The following SH3GL2 variants were observed in gnomAD, a reference collection of about 807,000 sequenced individuals.
SH3GL2 encodes the protein endophilin-A1.
SH3GL2 carries 24 observed loss-of-function variants against 46.0 expected under a neutral mutation model. That is an observed-to-expected ratio of 0.52 (90% CI 0.38 to 0.73). The LOEUF is 0.73. Ranked by LOEUF, SH3GL2 falls within the 30% of genes least tolerant of loss-of-function variation. SH3GL2 has a pLI of 0.00. For synonymous variants in SH3GL2, 196 were observed against 147.1 expected, an observed-to-expected ratio of 1.33 and a Z score of -2.40; for missense variants, 413 against 424.2, an observed-to-expected ratio of 0.97 and a Z score of 0.23.
chr9:17,787,590 T>A, intron 5 of SH3GL2, 77 bp downstream of exon 5: 1 of 1,191,696 alleles, frequency 8.4e-7, no homozygotes, highest in African/African-American at 1.5e-5. Context: ...TTAGAAAACA[T>A]TTTTTTAGCT....
At chr9:17,712,153 T>C (rs563306200) in intron 1 of SH3GL2, among the ~76,000 whole-genome samples, 1 of 151,968 alleles carries the variant, frequency 6.6e-6, no homozygotes, top group South Asian at 2.1e-4. Context: ...CATTTCTCTA[T>C]TGGGTGATTT....
intron 1 of SH3GL2, among the ~76,000 whole-genome samples, chr9:17,592,928 G>C: frequency 6.6e-6 from 1 of 152,110 alleles, no homozygotes; most frequent in East Asian, 1.9e-4. Flanking sequence ...AGGTTAAGTG[G>C]ATCACCAAAG....
At chr9:17,642,047 A>G (rs1819698893) in intron 1 of SH3GL2, among the ~76,000 whole-genome samples, 1 of 151,904 alleles carries the variant, frequency 6.6e-6, no homozygotes, top group Non-Finnish European at 1.5e-5. Context: ...ACTAATTTAC[A>G]CTCCCACCAA....
chr9:17,618,410 A>G (rs1049378214), intron 1 of SH3GL2, among the ~76,000 whole-genome samples: 1 of 152,214 alleles, frequency 6.6e-6, no homozygotes, highest in African/African-American at 2.4e-5. Flanking sequence ...TAAGTGAGCC[A>G]TGTGCCATTC....
At chr9:17,759,161 C>T (rs762576794) in intron 2 of SH3GL2, among the ~76,000 whole-genome samples, 5 of 152,276 alleles carry the variant, frequency 3.3e-5, no homozygotes, top group South Asian at 2.1e-4. Context: ...GGGATAGACA[C>T]TGCAGGTACC....
intron 2 of SH3GL2, among the ~76,000 whole-genome samples, chr9:17,757,527 C>T (rs11789626): frequency 8.5e-5 from 13 of 152,140 alleles, no homozygotes; most frequent in Non-Finnish European, 1.5e-5. Context: ...TTTAAACAGC[C>T]TTCCCTAATG....
intron 1 of SH3GL2, among the ~76,000 whole-genome samples, chr9:17,587,145 T>C (rs1818393235): frequency 6.6e-6 from 1 of 152,102 alleles, no homozygotes; most frequent in African/African-American, 2.4e-5. Flanking sequence ...GAGGCTACAG[T>C]GAGCCAAGAT....
In SH3GL2 at chr9:17,796,041, C is replaced by T. The variant is rs1289840032; in HGVS notation, c.*298C>T. ...AGGCTGTGGTTTCTTAGAATATGAC[C>T]ATGAGCCATTTCACAGAAAAACCAT... is the stretch of plus-strand genomic sequence containing the variant. On this transcript the variant is annotated 3_prime_UTR_variant, in exon 9 of 9. Transcript: ENST00000380607. 1.8e-5 allele frequency: 6 copies of T among 332,648 alleles called. No individual in the cohort carries two copies. In the East Asian group the frequency reaches 2.9e-4, roughly 16 times the overall value. 20.6% of individuals were successfully genotyped at this position (332,648 alleles called of 1,614,324 possible). A position where few individuals can be genotyped will look rare whatever the true frequency, so the allele number is the denominator to read the frequency against.
chr9:17,753,037 C>G (rs1822891993), intron 2 of SH3GL2, among the ~76,000 whole-genome samples: 1 of 152,114 alleles, frequency 6.6e-6, no homozygotes, highest in Non-Finnish European at 1.5e-5. Context: ...AAAGAACCTG[C>G]TCTCTCTCTT....
chr9:17,595,030 A>C (rs1168014046), intron 1 of SH3GL2, among the ~76,000 whole-genome samples: 2 of 152,202 alleles, frequency 1.3e-5, no homozygotes, highest in African/African-American at 4.8e-5. Flanking sequence ...ACAAATGGCT[A>C]GCCTAGGTAC....
At chr9:17,607,086 TA>T (rs1818773752) in intron 1 of SH3GL2, among the ~76,000 whole-genome samples, 2 of 152,176 alleles carry the variant, frequency 1.3e-5, no homozygotes, top group African/African-American at 4.8e-5. Flanking sequence ...GATAGTTCCT[TA>T]AAATTATGAC....
At chr9:17,666,362 C>T (rs2117924975) in intron 1 of SH3GL2, among the ~76,000 whole-genome samples, 1 of 152,156 alleles carries the variant, frequency 6.6e-6, no homozygotes, top group East Asian at 1.9e-4. Context: ...AAGATGTCCC[C>T]AGAAACATTA....
intron 1 of SH3GL2, among the ~76,000 whole-genome samples, chr9:17,685,729 C>G (rs975929118): frequency 2.6e-5 from 4 of 151,846 alleles, no homozygotes; most frequent in East Asian, 3.9e-4. Context: ...GCTTGTTTTT[C>G]TCAGGTTTGT....
chr9:17,675,142 G>A (rs1035888640), intron 1 of SH3GL2, among the ~76,000 whole-genome samples: 1 of 152,144 alleles, frequency 6.6e-6, no homozygotes, highest in Non-Finnish European at 1.5e-5. Flanking sequence ...CATCTCACAT[G>A]CTTTAAACTT....
intron 4 of SH3GL2, among the ~76,000 whole-genome samples, chr9:17,787,050 G>T (rs987944652): frequency 6.6e-6 from 1 of 152,082 alleles, no homozygotes; most frequent in South Asian, 2.1e-4. Context: ...GGTTGAACCC[G>T]GCTATTTCTG....
At chr9:17,754,893 T>C (rs1026458529) in intron 2 of SH3GL2, among the ~76,000 whole-genome samples, 1 of 152,150 alleles carries the variant, frequency 6.6e-6, no homozygotes, top group Admixed American at 6.5e-5. Context: ...TGGCTGAGAC[T>C]GTGGGGTTTT....
In SH3GL2 at chr9:17,579,177, C is replaced by T. The variant is rs1049561168; in HGVS notation, c.-66C>T. 7.3e-6 allele frequency: 9 copies of T among 1,233,298 alleles called. No individual in the cohort carries two copies. Among genetic ancestry groups the T allele is most frequent in the East Asian group, 3.2e-5 (1 of 31,644 alleles). 76.4% of individuals were successfully genotyped at this position (1,233,298 alleles called of 1,614,324 possible). On this transcript the variant is annotated 5_prime_UTR_variant, in exon 1 of 9. Transcript: ENST00000380607. ...GGCCAGGGGAGCGCGCCGCCCCGCT[C>T]GGCCCTCCAGTCCCCCTCCGCCTCC...
intron 1 of SH3GL2, among the ~76,000 whole-genome samples, chr9:17,657,523 G>A (rs970793690): frequency 1.3e-5 from 2 of 152,128 alleles, no homozygotes; most frequent in Non-Finnish European, 2.9e-5. Flanking sequence ...AGTCATTTAC[G>A]TTTCTAAGTC....
chr9:17,668,782 G>A (rs1820403447), intron 1 of SH3GL2, among the ~76,000 whole-genome samples: 1 of 152,068 alleles, frequency 6.6e-6, no homozygotes, highest in Non-Finnish European at 1.5e-5. Flanking sequence ...TCAGCCTCCT[G>A]AGTAGCCAGG....
Sources: gnomAD v4.1 joint callset for allele counts (sites outside exome capture counted in the v4.1 genomes callset) on GRCh38, gnomAD v4.1.1 for gene constraint, MANE v1.5 for transcripts, NCBI Gene and HGNC (gene_info 2026-07-23, HGNC 2026-07-21) for gene names.